Variants in BLTP1 observed in about 807,000 individuals in gnomAD.
BLTP1 encodes the protein bridge-like lipid transfer protein family member 1, also known as fragile site-associated protein.
the BLTP1 span, among the ~76,000 whole-genome samples, chr4:122,335,527 T>C: frequency 6.6e-6 from 1 of 152,126 alleles, no homozygotes; most frequent in Admixed American, 6.6e-5. Context: ...CCTTTTAAAA[T>C]AGTAATCATG....
At chr4:122,277,468 G>A in the BLTP1 span, 1 of 983,002 alleles carries the variant, frequency 1.0e-6, no homozygotes, top group Non-Finnish European at 1.2e-6. Context: ...TCATTCTTTT[G>A]CTTTACTTCT....
chr4:122,288,497 A>G, the BLTP1 span, among the ~76,000 whole-genome samples: 1 of 151,986 alleles, frequency 6.6e-6, no homozygotes, highest in Non-Finnish European at 1.5e-5. Context: ...CCTGGCCAAC[A>G]TGGTGAAACC....
At chr4:122,224,411 T>C in the BLTP1 span, 1 of 1,351,742 alleles carries the variant, frequency 7.4e-7, no homozygotes, top group Non-Finnish European at 1.0e-6. Flanking sequence ...TTATTGTTCA[T>C]CTCTGCAGGG....
chr4:122,228,469 G>A, the BLTP1 span, among the ~76,000 whole-genome samples: 1 of 152,034 alleles, frequency 6.6e-6, no homozygotes, highest in Non-Finnish European at 1.5e-5. Flanking sequence ...TTTGTCCAGA[G>A]GAAATATATC....
chr4:122,173,149 A>G, the BLTP1 span: 1 of 1,607,928 alleles, frequency 6.2e-7, no homozygotes. Flanking sequence ...CTATATCCAT[A>G]TTGGTGAGTT....
the BLTP1 span, among the ~76,000 whole-genome samples, chr4:122,280,983 C>T: frequency 6.6e-6 from 1 of 152,142 alleles, no homozygotes; most frequent in African/African-American, 2.4e-5. Context: ...AAAAATCAGA[C>T]CCTGGAGTCA....
chr4:122,226,320 C>G, the BLTP1 span: 3 of 833,566 alleles, frequency 3.6e-6, no homozygotes, highest in Non-Finnish European at 4.3e-6. Context: ...TATTTAGATA[C>G]TTTTTCACAT....
chr4:122,293,812 AG>A, the BLTP1 span, among the ~76,000 whole-genome samples: 1 of 152,212 alleles, frequency 6.6e-6, no homozygotes, highest in East Asian at 1.9e-4. Context: ...AGAAGGCTGG[AG>A]ACTGCCTGAG....
chr4:122,237,786 C>T, the BLTP1 span, among the ~76,000 whole-genome samples: 16 of 151,872 alleles, frequency 1.1e-4, no homozygotes, highest in Non-Finnish European at 1.9e-4. Flanking sequence ...AGATCAAGAC[C>T]GTCCTGGCCA....
the BLTP1 span, chr4:122,230,109 A>G: frequency 4.2e-5 from 68 of 1,614,198 alleles, no homozygotes; most frequent in Middle Eastern, 1.2e-3. Context: ...GGGTCAGCCA[A>G]TTTAGGACTT....
At chr4:122,328,366 C>T in the BLTP1 span, 2 of 1,598,328 alleles carry the variant, frequency 1.3e-6, no homozygotes, top group Non-Finnish European at 1.7e-6. Flanking sequence ...TCGTGAGTAA[C>T]CTTATTTTAA....
chr4:122,215,137 C>A, the BLTP1 span, among the ~76,000 whole-genome samples: 2 of 152,178 alleles, frequency 1.3e-5, no homozygotes, highest in African/African-American at 2.4e-5. Flanking sequence ...GTCACTGACA[C>A]ATTTAATAAA....
the BLTP1 span, among the ~76,000 whole-genome samples, chr4:122,283,034 C>T: frequency 6.6e-6 from 1 of 152,084 alleles, no homozygotes; most frequent in Non-Finnish European, 1.5e-5. Flanking sequence ...TTTTGATCAG[C>T]AGACATTCTT....
chr4:122,191,816 G>A, the BLTP1 span, among the ~76,000 whole-genome samples: 1 of 152,054 alleles, frequency 6.6e-6, no homozygotes, highest in Non-Finnish European at 1.5e-5. Flanking sequence ...TGCCGAAACA[G>A]CTATGAGAAT....
chr4:122,301,269 A>G, the BLTP1 span: 1 of 1,532,118 alleles, frequency 6.5e-7, no homozygotes, highest in African/African-American at 1.4e-5. Context: ...CTTTAAAAAA[A>G]AAAATTGTCC....
At chr4:122,323,140 G>A in the BLTP1 span, among the ~76,000 whole-genome samples, 7 of 152,202 alleles carry the variant, frequency 4.6e-5, no homozygotes, top group East Asian at 1.4e-3. Context: ...TCCTACCCCA[G>A]TGTTGGTTCC....
the BLTP1 span, chr4:122,238,229 A>G: frequency 3.7e-6 from 6 of 1,613,504 alleles, no homozygotes; most frequent in Admixed American, 6.7e-5. Flanking sequence ...AGAGAACAGT[A>G]GTTCTAGTGC....
the BLTP1 span, chr4:122,246,019 T>G: frequency 1.0e-6 from 1 of 972,614 alleles, no homozygotes; most frequent in Non-Finnish European, 1.4e-6. Context: ...GATTTTAAGG[T>G]GGGATATAAA....
chr4:122,298,590 C>T, the BLTP1 span: 1 of 873,668 alleles, frequency 1.1e-6, no homozygotes, highest in Non-Finnish European at 1.4e-6. Context: ...CATATGACCC[C>T]AAACTAGGTG....
Sources: allele counts gnomAD v4.1 joint callset (sites outside exome capture counted in the v4.1 genomes callset), GRCh38; gene constraint gnomAD v4.1.1; transcripts MANE v1.5; gene names NCBI Gene and HGNC (gene_info 2026-07-23, HGNC 2026-07-21).